The following DYNLRB1 variants were observed in gnomAD, a reference collection of about 807,000 sequenced individuals.
DYNLRB1 encodes the protein ROBL/LC7-like 1.
A neutral mutation model predicts 13.5 loss-of-function variants in DYNLRB1; 6 were observed. The observed-to-expected ratio is 0.44, with a 90% CI of 0.24 to 0.88. The LOEUF is 0.88. DYNLRB1 is among the 40% of genes least tolerant of loss of function. DYNLRB1 has a pLI of 0.21. For synonymous variants in DYNLRB1, 43 were observed against 45.0 expected (o/e 0.96, Z 0.18); for missense variants, 93 against 127.2 (o/e 0.73, Z 1.29).
At chr20:34,527,428 A>G (rs189357333) in intron 2 of DYNLRB1, among the ~76,000 whole-genome samples, 1 of 152,258 alleles carries the variant, frequency 6.6e-6, no homozygotes, top group Non-Finnish European at 1.5e-5. Flanking sequence ...TAAAGCATTT[A>G]GTACAGTATC....
At position 34,517,627 on chromosome 20, in the gene DYNLRB1, C is replaced by CTT. The variant is rs60155819; in HGVS notation, c.3+1184_3+1185dup. On this transcript the variant is annotated intron_variant, in intron 1 of 3. Coordinates refer to ENST00000357156, the MANE Select transcript of DYNLRB1 (RefSeq NM_014183.4). ...CCATCACCTTAAACATTCATTATTT[C>CTT]TTTTTTTTTTTTTTTTTTTGAGATG... Among the ~76,000 whole-genome samples the CTT allele has an allele frequency of 5.6e-3, 675 of 120,378 alleles. 13 individuals carry two copies. The highest frequency in any genetic ancestry group is 0.015 in the Middle Eastern group (3 of 202). The allele number at this position is 120,378 out of a possible 152,430, so 79.0% of individuals were successfully genotyped here. A position where few individuals can be genotyped will look rare whatever the true frequency, so the allele number is the denominator to read the frequency against.
At chr20:34,529,741 A>C (rs1600547990) in intron 2 of DYNLRB1, 1 of 1,125,204 alleles carries the variant, frequency 8.9e-7, no homozygotes, top group East Asian at 3.2e-5. Context: ...AAAAAAAAAA[A>C]AAAATGTTGA....
chr20:34,535,003 C>T (rs751303651), intron 3 of DYNLRB1: 54 of 1,415,590 alleles, frequency 3.8e-5, no homozygotes, highest in South Asian at 9.0e-5. Flanking sequence ...AGAGGGTAAC[C>T]CCAGTCTCCT....
At chr20:34,539,288 A>G (rs995577741) in intron 3 of DYNLRB1, among the ~76,000 whole-genome samples, 1 of 152,200 alleles carries the variant, frequency 6.6e-6, no homozygotes, top group African/African-American at 2.4e-5. Flanking sequence ...TTACAGGGCC[A>G]GATCCCTGGA....
intron 2 of DYNLRB1, chr20:34,529,881 G>A: frequency 6.5e-7 from 1 of 1,527,344 alleles, no homozygotes. Flanking sequence ...ACACTGTGGA[G>A]ACAGGAGCAG....
chr20:34,526,642 A>C, intron 2 of DYNLRB1: 2 of 388,182 alleles, frequency 5.2e-6, no homozygotes, highest in East Asian at 4.8e-5. Flanking sequence ...AATCCGCTCA[A>C]TCCCACCACC....
chr20:34,522,074 A>C (rs1979766910), intron 1 of DYNLRB1, among the ~76,000 whole-genome samples: 1 of 151,680 alleles, frequency 6.6e-6, no homozygotes. Context: ...GTTCCTGACC[A>C]CATTAGCCAG....
intron 2 of DYNLRB1, chr20:34,533,719 T>C (rs1388071955): frequency 6.3e-6 from 1 of 158,630 alleles, no homozygotes; most frequent in Non-Finnish European, 1.4e-5. Context: ...CACAGGAGGC[T>C]GAGGCAGGAG....
intron 1 of DYNLRB1, among the ~76,000 whole-genome samples, chr20:34,525,274 A>G (rs1279025455): frequency 6.6e-6 from 1 of 152,152 alleles, no homozygotes; most frequent in African/African-American, 2.4e-5. Context: ...CCAGTCTGGA[A>G]GGGGCCGCCT....
intron 1 of DYNLRB1, chr20:34,516,702 C>T: frequency 2.0e-6 from 3 of 1,513,654 alleles, no homozygotes; most frequent in African/African-American, 1.4e-5. Flanking sequence ...AGCCCAGCCT[C>T]GGCCAGGAAG....
chr20:34,530,115 T>A, intron 2 of DYNLRB1: 1 of 1,231,464 alleles, frequency 8.1e-7, no homozygotes, highest in Non-Finnish European at 1.0e-6. Context: ...CAGCCCCAGC[T>A]GTGACCCCCA....
chr20:34,538,376 G>T (rs995078517), intron 3 of DYNLRB1, among the ~76,000 whole-genome samples: 6 of 151,794 alleles, frequency 4.0e-5, no homozygotes, highest in Non-Finnish European at 7.4e-5. Flanking sequence ...AGTTGAGGCT[G>T]CAGTGAGCCA....
chr20:34,517,652 G>A (rs1438451303), intron 1 of DYNLRB1, among the ~76,000 whole-genome samples: 1 of 119,576 alleles, frequency 8.4e-6, no homozygotes, highest in Non-Finnish European at 1.7e-5. Context: ...TTTTTGAGAT[G>A]GAGTGTGTCT....
chr20:34,524,721 C>CT lies in DYNLRB1; in HGVS notation c.4-1537dup, dbSNP rs757000124. On this transcript the variant is annotated intron_variant, in intron 1 of 3. Coordinates refer to ENST00000357156, the MANE Select transcript of DYNLRB1 (RefSeq NM_014183.4). ...CTTAGAGGCATAAGTCCATTTTCCA[C>CT]TTTTTTTTTTGTTTTTTTTTTTTGG... Among the ~76,000 whole-genome samples, 286 of 147,706 alleles carry CT rather than the reference C, an allele frequency of 1.9e-3. 5 individuals carry two copies. The East Asian group carries it at 0.042, about 22-fold the overall frequency.
chr20:34,528,602 G>C (rs927332353), intron 2 of DYNLRB1, among the ~76,000 whole-genome samples: 4 of 152,178 alleles, frequency 2.6e-5, no homozygotes, highest in African/African-American at 7.2e-5. Flanking sequence ...TGTGTTGAGA[G>C]GAAATAATCC....
intron 1 of DYNLRB1, among the ~76,000 whole-genome samples, chr20:34,521,731 C>A (rs919834907): frequency 6.6e-6 from 1 of 152,164 alleles, no homozygotes; most frequent in African/African-American, 2.4e-5. Flanking sequence ...TCTTTCTCAT[C>A]ATTTGATTCT....
At chr20:34,524,191 T>C (rs916326522) in intron 1 of DYNLRB1, among the ~76,000 whole-genome samples, 6 of 152,206 alleles carry the variant, frequency 3.9e-5, no homozygotes, top group African/African-American at 1.4e-4. Flanking sequence ...CTTTCTATAA[T>C]TCCTTGCCCT....
intron 2 of DYNLRB1, among the ~76,000 whole-genome samples, chr20:34,533,248 TG>T (rs1980851762): frequency 6.6e-6 from 1 of 152,184 alleles, no homozygotes; most frequent in Non-Finnish European, 1.5e-5. Context: ...TTAATTATAC[TG>T]GTAACAAACC....
chr20:34,529,888 G>A, intron 2 of DYNLRB1: 2 of 1,524,300 alleles, frequency 1.3e-6, no homozygotes, highest in Non-Finnish European at 1.8e-6. Context: ...GGAGACAGGA[G>A]CAGGCCCCCT....
Sources: allele counts gnomAD v4.1 joint callset (sites outside exome capture counted in the v4.1 genomes callset), GRCh38; gene constraint gnomAD v4.1.1; transcripts MANE v1.5; gene names NCBI Gene and HGNC (gene_info 2026-07-23, HGNC 2026-07-21).